IDE: variants seen among roughly 807,000 people sequenced by gnomAD.
IDE encodes the protein insulin degrading enzyme, also known as insulin-degrading enzyme.
A neutral mutation model predicts 133.2 loss-of-function variants in IDE; 58 were observed. The ratio of observed to expected loss-of-function variants is 0.44; its 90% CI spans 0.35 to 0.54. The LOEUF (loss-of-function observed/expected upper bound fraction) is 0.54. Ranked by LOEUF, IDE falls within the 20% of genes least tolerant of loss-of-function variation. The probability of loss-of-function intolerance (pLI) is 0.00; values close to 1 mark genes in which losing one functional copy is unlikely to be tolerated. For synonymous variants in IDE, 396 were observed against 421.3 expected, an observed-to-expected ratio of 0.94 and a Z score of 0.73; for missense variants, 981 against 1,234.0, an observed-to-expected ratio of 0.79 and a Z score of 3.07.
intron 1 of IDE, among the ~76,000 whole-genome samples, chr10:92,554,493 C>G (rs1384721893): frequency 6.8e-6 from 1 of 146,278 alleles, no homozygotes; most frequent in African/African-American, 2.6e-5. Context: ...TGCAGTGAGC[C>G]ATGATTGCAC....
In IDE at chr10:92,573,943, G is replaced by A; in HGVS notation, c.77C>T (p.Pro26Leu). ...TFRSVLGARLPPPERLCGFQK... is the reference protein window; with the variant it reads ...TFRSVLGARLLPPERLCGFQK... Reference sequence around the variant, plus strand: ...TTACCCACACAGGCGCTCCGGAGGCGGCAGGCGGGCGCCGAGGACTGAGCG... The same window carrying A: ...TTACCCACACAGGCGCTCCGGAGGCAGCAGGCGGGCGCCGAGGACTGAGCG... Residue 26 changes from proline to leucine, a missense_variant, in exon 1 of 25, where the codon CCG becomes CTG. Physicochemically the swap from Pro to Leu is moderately conservative, Grantham distance 98 (BLOSUM62 -3). Coordinates refer to ENST00000265986, the MANE Select transcript of IDE (RefSeq NM_004969.4). 1 of 1,469,870 alleles carries A rather than the reference G, an allele frequency of 6.8e-7. No individual in the cohort carries two copies. Among genetic ancestry groups the A allele is most frequent in the Non-Finnish European group, 9.0e-7 (1 of 1,116,302 alleles). The allele number at this position is 1,469,870 out of a possible 1,614,324, so 91.1% of individuals were successfully genotyped here.
At chr10:92,490,417 T>C (rs1212214098) in intron 12 of IDE, 76 bp downstream of exon 12, 1 of 880,656 alleles carries the variant, frequency 1.1e-6, no homozygotes, top group Non-Finnish European at 1.9e-6. Flanking sequence ...TCTGGGGCCT[T>C]AGTTGGTGGA....
intron 9 of IDE, 53 bp from the exon 10 acceptor site, chr10:92,506,575 T>C: frequency 1.8e-6 from 1 of 560,994 alleles, no homozygotes; most frequent in Admixed American, 3.1e-5. Context: ...TTAGAAACCT[T>C]TTTTTTTTTT....
intron 15 of IDE, chr10:92,478,831 G>A: frequency 1.8e-6 from 2 of 1,095,350 alleles, no homozygotes; most frequent in South Asian, 4.0e-5. Flanking sequence ...GATACCTCAA[G>A]CAGTGGCATG....
chr10:92,458,353 G>A (rs1488236306), intron 22 of IDE, among the ~76,000 whole-genome samples: 2 of 152,054 alleles, frequency 1.3e-5, no homozygotes, highest in Non-Finnish European at 2.9e-5. Context: ...CTAAGAATGC[G>A]AATAGTCTTT....
intron 1 of IDE, among the ~76,000 whole-genome samples, chr10:92,550,598 C>T (rs556885137): frequency 2.2e-5 from 3 of 135,686 alleles, no homozygotes; most frequent in African/African-American, 8.4e-5. Flanking sequence ...TTGCAGTGAG[C>T]AGAGATAGCG....
chr10:92,454,503 C>G lies in IDE; in HGVS notation c.3001G>C (p.Gly1001Arg). Reference protein sequence around the residue: ...VIQNMTEFKRGLPLFPLVKPH... With the variant: ...VIQNMTEFKRRLPLFPLVKPH... Reference sequence around the variant, plus strand: ...TTCACAAGGGGAAACAGTGGCAGACCACGCTTGAATTCGGTCATGTTCTGA... The same window carrying G: ...TTCACAAGGGGAAACAGTGGCAGACGACGCTTGAATTCGGTCATGTTCTGA... The change falls in exon 25 of 25, where the codon GGT becomes CGT. Residue 1001 changes from glycine to arginine, a missense_variant. Gly to Arg is a moderately radical substitution (Grantham distance 125, BLOSUM62 -2). Around this residue, in one of 2 missense-constraint regions of IDE, gnomAD observed 660 missense variants for 894.7 expected, o/e 0.74. Coordinates refer to ENST00000265986, the MANE Select transcript of IDE (RefSeq NM_004969.4). The G allele has an allele frequency of 6.2e-7, 1 of 1,614,010 alleles. No homozygotes were observed. Among genetic ancestry groups the G allele is most frequent in the Non-Finnish European group, 8.5e-7 (1 of 1,179,878 alleles).
chr10:92,517,358 T>C (rs1487777509), intron 4 of IDE, among the ~76,000 whole-genome samples: 2 of 152,132 alleles, frequency 1.3e-5, no homozygotes, highest in Admixed American at 6.5e-5. Flanking sequence ...CACAAAGTAA[T>C]CATATGCATT....
chr10:92,466,230 C>CAAA (rs59698259), intron 19 of IDE, among the ~76,000 whole-genome samples: 2 of 69,962 alleles, frequency 2.9e-5, no homozygotes, highest in Non-Finnish European at 5.1e-5. Flanking sequence ...GACCCTGTCT[C>CAAA]AAAAAAAAAA....
intron 12 of IDE, among the ~76,000 whole-genome samples, 162 bp downstream of exon 12, chr10:92,490,331 A>G (rs766759830): frequency 1.3e-5 from 2 of 152,230 alleles, no homozygotes; most frequent in South Asian, 2.1e-4. Flanking sequence ...TGAAAAGGCT[A>G]AACTCCAGCT....
In IDE at chr10:92,467,777, G is replaced by A. The variant is rs775926623; in HGVS notation, c.2320+1102C>T. 7.7e-4 allele frequency among the ~76,000 whole-genome samples: 118 copies of A among 152,294 alleles called. 1 individual carries two copies. The highest frequency in any genetic ancestry group is 6.8e-3 in the Middle Eastern group (2 of 294). ...GTTTTAGTGACTGAGGAATAAACTGGCAAAAGTTGGAAATAAACCACTACC... is the reference window on the plus strand; with the variant it reads ...GTTTTAGTGACTGAGGAATAAACTGACAAAAGTTGGAAATAAACCACTACC... On this transcript the variant is annotated intron_variant, in intron 19 of 24. Transcript: ENST00000265986.
chr10:92,454,705 G>T (rs1016710229), intron 24 of IDE, among the ~76,000 whole-genome samples, 166 bp from the exon 25 acceptor site: 2 of 152,136 alleles, frequency 1.3e-5, no homozygotes, highest in African/African-American at 4.8e-5. Context: ...ATCTTGATCT[G>T]CTGACCTTTC....
chr10:92,484,800 A>G (rs1331246735), intron 13 of IDE, among the ~76,000 whole-genome samples: 2 of 151,722 alleles, frequency 1.3e-5, no homozygotes, highest in African/African-American at 4.8e-5. Context: ...GTTCATGCCT[A>G]TAATCCCAGA....
intron 1 of IDE, among the ~76,000 whole-genome samples, chr10:92,544,301 A>G (rs1436287537): frequency 6.6e-6 from 1 of 151,808 alleles, no homozygotes; most frequent in East Asian, 1.9e-4. Flanking sequence ...TCATTTTTTT[A>G]AAGTGTCATA....
At chr10:92,462,406 A>C (rs1033310881) in intron 21 of IDE, among the ~76,000 whole-genome samples, 3 of 151,754 alleles carry the variant, frequency 2.0e-5, no homozygotes, top group African/African-American at 7.3e-5. Context: ...GGATCACCTA[A>C]GGTTGGGAGT....
chr10:92,501,906 C>T (rs1369512716), intron 11 of IDE, among the ~76,000 whole-genome samples: 5 of 151,066 alleles, frequency 3.3e-5, no homozygotes, highest in African/African-American at 7.3e-5. Flanking sequence ...ACCTGGGAGG[C>T]GGAGGTTGCA....
chr10:92,515,999 G>A (rs920648176), intron 4 of IDE, among the ~76,000 whole-genome samples: 23 of 150,002 alleles, frequency 1.5e-4, no homozygotes, highest in Admixed American at 6.6e-5. Flanking sequence ...GAGAAACACC[G>A]TCTCTACTAA....
At chr10:92,518,827 C>T (rs1177780592) in intron 4 of IDE, among the ~76,000 whole-genome samples, 1 of 151,990 alleles carries the variant, frequency 6.6e-6, no homozygotes, top group African/African-American at 2.4e-5. Context: ...TCCATGAAAC[C>T]TAAAAACATA....
rs1027661184 is a variant in IDE, at chr10:92,547,241, T to C, written c.99-9691A>G. 1.5e-3 allele frequency among the ~76,000 whole-genome samples: 116 copies of C among 79,922 alleles called. 1 individual carries two copies. The highest frequency in any genetic ancestry group is 2.6e-3 in the Non-Finnish European group (98 of 38,008). 52.4% of individuals were successfully genotyped at this position (79,922 alleles called of 152,430 possible). A position where few individuals can be genotyped will look rare whatever the true frequency, so the allele number is the denominator to read the frequency against. On this transcript the variant is annotated intron_variant, in intron 1 of 24. Transcript: ENST00000265986. ...GGCATACGCCACCATGCCCGGCTAA[T>C]TTTTTGTATTTTTTTTTTTTTTTAG...
Sources: gnomAD v4.1 joint callset for allele counts (sites outside exome capture counted in the v4.1 genomes callset) on GRCh38, gnomAD v4.1.1 for gene constraint, gnomAD v4.1.1 regional missense constraint, MANE v1.5 for transcripts, NCBI Gene and HGNC (gene_info 2026-07-23, HGNC 2026-07-21) for gene names.